Variants in SLC10A2 observed in about 807,000 individuals in gnomAD.
SLC10A2 encodes the protein ileal sodium/bile acid cotransporter.
Under a neutral mutation model 27.1 loss-of-function variants are expected in SLC10A2, and 34 were observed. The observed-to-expected ratio is 1.26, with a 90% confidence interval of 0.96 to 1.67. The LOEUF is 1.67. SLC10A2 is among the 40% of genes most tolerant of loss of function. SLC10A2 has a pLI of 0.00. For synonymous variants in SLC10A2, 205 were observed against 174.0 expected, an observed-to-expected ratio of 1.18 and a Z score of -1.40; for missense variants, 530 against 444.4, an observed-to-expected ratio of 1.19 and a Z score of -1.73.
At position 103,044,883 on chromosome 13, in the gene SLC10A2, C is replaced by T. The variant is rs1404995004; in HGVS notation, c.*1250G>A. 1 of 152,182 alleles carries T rather than the reference C, an allele frequency of 6.6e-6. No individual in the cohort carries two copies. Among genetic ancestry groups the T allele is most frequent in the Non-Finnish European group, 1.5e-5 (1 of 68,040 alleles). The allele number at this position is 152,182 out of a possible 1,614,324, so 9.4% of individuals were successfully genotyped here. A position where few individuals can be genotyped will look rare whatever the true frequency, so the allele number is the denominator to read the frequency against. ...CCAACACTTGATGAGTTATTTTCCC[C>T]TGGCAGCCGTAAACCCCTGCTACCG... On this transcript the variant is annotated 3_prime_UTR_variant, in exon 6 of 6. Coordinates refer to ENST00000245312, the MANE Select transcript of SLC10A2 (RefSeq NM_000452.3).
rs1386045606 is a variant in SLC10A2 at position 103,044,300 on chromosome 13, T to C, written c.*1833A>G. The C allele has an allele frequency of 6.6e-6, 1 of 152,200 alleles. No homozygotes were observed. The highest frequency in any genetic ancestry group is 2.4e-5 in the African/African-American group (1 of 41,432). The allele number at this position is 152,200 out of a possible 1,614,324, so 9.4% of individuals were successfully genotyped here. A position where few individuals can be genotyped will look rare whatever the true frequency, so the allele number is the denominator to read the frequency against. ...GCATCCAGGCCCTTGATTTTGGGTG[T>C]GTTGAAATTACAAGAGGAGTTCTCA... is the stretch of plus-strand genomic sequence containing the variant. On this transcript the variant is annotated 3_prime_UTR_variant, in exon 6 of 6. Transcript: ENST00000245312.
intron 5 of SLC10A2, among the ~76,000 whole-genome samples, chr13:103,048,103 G>C (rs953805627): frequency 2.0e-5 from 3 of 152,118 alleles, no homozygotes; most frequent in Non-Finnish European, 4.4e-5. Flanking sequence ...AGCTGATGAA[G>C]CTAAGCAGAA....
intron 1 of SLC10A2, among the ~76,000 whole-genome samples, chr13:103,064,873 GAGACAGCAGGTTCCTA>G (rs1876229020): frequency 6.6e-6 from 1 of 152,202 alleles, no homozygotes; most frequent in Non-Finnish European, 1.5e-5. Context: ...CAGTTGAAAT[GAGACAGCAGGTTCCTA>G]ATTGATCACT....
rs143297386 is a variant in SLC10A2 at position 103,066,020 on chromosome 13, C to T, written c.230G>A (p.Gly77Glu). The T allele has an allele frequency of 1.7e-4, 280 of 1,613,802 alleles. 1 individual carries two copies. Among genetic ancestry groups the T allele is most frequent in the Middle Eastern group, 8.2e-4 (5 of 6,074 alleles). The change falls in exon 1 of 6, where the codon GGA becomes GAA. Residue 77 changes from glycine (G) to glutamate (E), a missense_variant. Coordinates refer to ENST00000245312, the MANE Select transcript of SLC10A2 (RefSeq NM_000452.3). ...GICVGFLCQF[G>E]IMPLTGFILS... The stretch of plus-strand genomic sequence containing the variant: ...GATGAATCCTGTGAGGGGCATGATT[C>T]CAAACTGACAGAGGAAGCCAACACA...
chr13:103,058,426 T>C (rs775919148), intron 1 of SLC10A2, 44 bp from the exon 2 acceptor site: 5 of 1,112,474 alleles, frequency 4.5e-6, no homozygotes, highest in Non-Finnish European at 6.9e-6. Flanking sequence ...TGTGGTGTTC[T>C]AGGGAAGATG....
chr13:103,052,348 G>A (rs562905633), intron 3 of SLC10A2, among the ~76,000 whole-genome samples: 111 of 151,762 alleles, frequency 7.3e-4, no homozygotes, highest in Admixed American at 1.7e-3. Flanking sequence ...TAGGCTGGGC[G>A]CAGTGTCTCA....
At chr13:103,046,324 A>AGTT in intron 5 of SLC10A2, 64 bp from the exon 6 acceptor site, 2 of 1,330,376 alleles carry the variant, frequency 1.5e-6, no homozygotes, top group African/African-American at 1.5e-5. Context: ...ATTACTTTGC[A>AGTT]TAGAGATTAT....
At position 103,051,935 on chromosome 13, in the gene SLC10A2, C is replaced by G. The variant is rs538233717; in HGVS notation, c.586-503G>C. On this transcript the variant is annotated intron_variant, in intron 3 of 5. Coordinates refer to ENST00000245312, the MANE Select transcript of SLC10A2 (RefSeq NM_000452.3). Reference sequence around the variant, plus strand: ...AAAAGGTATAAGCAAATGAAAACCACTGTTGTTATTTTTTTTCTCCTTTTC... The same window carrying G: ...AAAAGGTATAAGCAAATGAAAACCAGTGTTGTTATTTTTTTTCTCCTTTTC... Among the ~76,000 whole-genome samples, 4 of 130,844 alleles carry G rather than the reference C, an allele frequency of 3.1e-5. No individual in the cohort carries two copies. The East Asian group carries it at 8.7e-4, about 28-fold the overall frequency. The allele number at this position is 130,844 out of a possible 152,430, so 85.8% of individuals were successfully genotyped here. A position where few individuals can be genotyped will look rare whatever the true frequency, so the allele number is the denominator to read the frequency against.
chr13:103,056,295 TTCTC>T (rs2138918996), intron 2 of SLC10A2, among the ~76,000 whole-genome samples: 1 of 152,348 alleles, frequency 6.6e-6, no homozygotes, highest in African/African-American at 2.4e-5. Context: ...TTTTTCAAAC[TTCTC>T]TCTTTTTCCG....
chr13:103,062,313 T>G (rs1876148227), intron 1 of SLC10A2, among the ~76,000 whole-genome samples: 1 of 152,198 alleles, frequency 6.6e-6, no homozygotes, highest in Non-Finnish European at 1.5e-5. Flanking sequence ...TGATTCCAAT[T>G]CTGACTCAGG....
At position 103,049,402 on chromosome 13, in the gene SLC10A2, A is replaced by G; in HGVS notation, c.806T>C (p.Leu269Pro). 6.2e-7 allele frequency: 1 copy of G among 1,614,074 alleles called. No homozygotes were observed. The highest frequency in any genetic ancestry group is 1.1e-5 in the South Asian group (1 of 91,082). Residue 269 changes from leucine (L) to proline (P), a missense_variant, in exon 5 of 6, where the codon CTA becomes CCA. By Grantham distance (98) the Leu-to-Pro change is moderately conservative (BLOSUM62 -3). Coordinates refer to ENST00000245312, the MANE Select transcript of SLC10A2 (RefSeq NM_000452.3). ...GGAGAGCTGAACGATGGTGGAACAT[A>G]GCTGCGTGTTCTGCATCCCCGTTTC... ...AFETGMQNTQLCSTIVQLSFT... is the reference protein window; with the variant it reads ...AFETGMQNTQPCSTIVQLSFT...
At chr13:103,059,373 G>GATTTTTGGGGAGTGAGTCTTCCGGGTCC (rs1566514438) in intron 1 of SLC10A2, among the ~76,000 whole-genome samples, 1 of 152,206 alleles carries the variant, frequency 6.6e-6, no homozygotes, top group African/African-American at 2.4e-5. Flanking sequence ...TATAAGCAGA[G>GATTTTTGGGGAGTGAGTCTTCCGGGTCC]TAGACAAACA....
chr13:103,052,520 A>G, intron 3 of SLC10A2, 100 bp downstream of exon 3: 1 of 867,624 alleles, frequency 1.2e-6, no homozygotes. Flanking sequence ...CCCACTCAAC[A>G]GTAATCATAT....
rs978016142 is a variant in SLC10A2, at chr13:103,051,358, C to T, written c.660G>A (p.Trp220Ter). 2.5e-6 allele frequency: 4 copies of T among 1,613,886 alleles called. No homozygotes were observed. The highest frequency in any genetic ancestry group is 1.3e-5 in the African/African-American group (1 of 74,884). Residue 220 changes from tryptophan to a stop codon, truncating the protein, a stop_gained, in exon 4 of 6, where the codon TGG becomes TGA. Coordinates refer to ENST00000245312, the MANE Select transcript of SLC10A2 (RefSeq NM_000452.3). LOFTEE classifies it high-confidence loss of function. ...VVGGILYQSA[W>*]IIAPKLWIIG... ...TAATCCACAGTTTGGGAGCAATGAT[C>T]CAGGCGCTTTGGTACAATATTCCTC...
At chr13:103,046,457 C>G (rs1351639032) in intron 5 of SLC10A2, among the ~76,000 whole-genome samples, 197 bp from the exon 6 acceptor site, 1 of 152,152 alleles carries the variant, frequency 6.6e-6, no homozygotes, top group African/African-American at 2.4e-5. Context: ...TCAGGAAGAC[C>G]TAGCATAAAT....
Position 103,058,648 on chromosome 13 carries a change from C to G in SLC10A2, c.378-266G>C, listed in dbSNP as rs548332797. Reference sequence around the variant, plus strand: ...TAATAGGCCCCAGTGTCTGTGTTCCCCTCTATGTGTCCATGCGTTCTCATC... The same window carrying G: ...TAATAGGCCCCAGTGTCTGTGTTCCGCTCTATGTGTCCATGCGTTCTCATC... On this transcript the variant is annotated intron_variant, in intron 1 of 5. Coordinates refer to ENST00000245312, the MANE Select transcript of SLC10A2 (RefSeq NM_000452.3). Among the ~76,000 whole-genome samples the G allele has an allele frequency of 8.5e-5, 13 of 152,226 alleles. 1 individual carries two copies. Among genetic ancestry groups the G allele is most frequent in the African/African-American group, 2.9e-4 (12 of 41,536 alleles).
intron 2 of SLC10A2, among the ~76,000 whole-genome samples, chr13:103,056,081 A>G (rs1875928187): frequency 6.6e-6 from 1 of 152,262 alleles, no homozygotes; most frequent in Non-Finnish European, 1.5e-5. Context: ...AGCAGGGACA[A>G]GCTGCATAAG....
chr13:103,056,542 A>G (rs1169089222), intron 2 of SLC10A2, among the ~76,000 whole-genome samples: 2 of 152,248 alleles, frequency 1.3e-5, no homozygotes, highest in East Asian at 3.9e-4. Context: ...TATGGCTTAA[A>G]TTATTAAATT....
chr13:103,065,741 T>C, intron 1 of SLC10A2, 132 bp downstream of exon 1: 1 of 1,009,156 alleles, frequency 9.9e-7, no homozygotes, highest in Non-Finnish European at 1.5e-6. Context: ...GGAATGCATT[T>C]ATTCTCTCCT....
Sources: allele counts gnomAD v4.1 joint callset (sites outside exome capture counted in the v4.1 genomes callset), GRCh38; gene constraint gnomAD v4.1.1; transcripts MANE v1.5; gene names NCBI Gene and HGNC (gene_info 2026-07-23, HGNC 2026-07-21).